Variants in GABBR2 observed in about 807,000 individuals in gnomAD.
The protein encoded by GABBR2 is G-protein coupled receptor 51.
Under a neutral mutation model 105.6 loss-of-function variants are expected in GABBR2, and 23 were observed. The ratio of observed to expected loss-of-function variants is 0.22; its 90% CI spans 0.16 to 0.31. GABBR2 has a LOEUF of 0.31. Among genes scored for constraint, GABBR2 ranks in the 10% least tolerant of loss-of-function variants. The probability of loss-of-function intolerance (pLI) is 1.00; values close to 1 mark genes in which losing one functional copy is unlikely to be tolerated. For synonymous variants in GABBR2, 478 were observed against 499.7 expected, an observed-to-expected ratio of 0.96 and a Z score of 0.58; for missense variants, 734 against 1,245.5, an observed-to-expected ratio of 0.59 and a Z score of 6.18.
intron 13 of GABBR2, among the ~76,000 whole-genome samples, chr9:98,348,487 G>C (rs994180947): frequency 6.6e-6 from 1 of 152,132 alleles, no homozygotes; most frequent in African/African-American, 2.4e-5. Context: ...TTGACCTTTT[G>C]ATAGGGATTA....
rs113747643 is a variant in GABBR2 at position 98,388,619 on chromosome 9, C to CTGTGTGTGTGTGTGTGTG, written c.1529+217_1529+234dup. On this transcript the variant is annotated intron_variant, in intron 10 of 18. Transcript: ENST00000259455. This position sits in a 1 kb window ranked among gnomAD's most constrained non-coding sequence, Gnocchi z 4.4. ...TCCTGTGCAACCAGCAGCCTGGCCT[C>CTGTGTGTGTGTGTGTGTG]TGTGTGTGTGTGTGTGTGTGTGTGT... Among the ~76,000 whole-genome samples the CTGTGTGTGTGTGTGTGTG allele has an allele frequency of 2.8e-4, 40 of 144,462 alleles. No homozygotes were observed. Among genetic ancestry groups the CTGTGTGTGTGTGTGTGTG allele is most frequent in the African/African-American group, 1.0e-3 (39 of 39,120 alleles). 94.8% of individuals were successfully genotyped at this position (144,462 alleles called of 152,430 possible). A position where few individuals can be genotyped will look rare whatever the true frequency, so the allele number is the denominator to read the frequency against.
At chr9:98,635,382 G>A (rs1275063930) in intron 1 of GABBR2, among the ~76,000 whole-genome samples, 2 of 152,180 alleles carry the variant, frequency 1.3e-5, no homozygotes, top group African/African-American at 4.8e-5. Flanking sequence ...GGCCATAGGG[G>A]TGGCATGGGG....
Position 98,426,269 on chromosome 9 carries a change from C to T in GABBR2, c.1237-20128G>A, listed in dbSNP as rs147997743. On this transcript the variant is annotated intron_variant, in intron 7 of 18. Transcript: ENST00000259455. ...CAGCGCAGTGTGACACATAACCTAT[C>T]CAGGACTTAAAGCACAGAGTGGTGT... Among the ~76,000 whole-genome samples the T allele has an allele frequency of 9.8e-5, 15 of 152,326 alleles. No homozygotes were observed. In the East Asian group the frequency reaches 2.9e-3, roughly 29 times the overall value.
chr9:98,462,704 G>C (rs1588173722), intron 6 of GABBR2, among the ~76,000 whole-genome samples: 1 of 152,144 alleles, frequency 6.6e-6, no homozygotes, highest in Admixed American at 6.6e-5. Context: ...ACTGCTTGCG[G>C]ATGTGTAAAT....
chr9:98,310,074 C>G (rs1164062381), intron 14 of GABBR2, among the ~76,000 whole-genome samples: 1 of 152,154 alleles, frequency 6.6e-6, no homozygotes, highest in African/African-American at 2.4e-5. Flanking sequence ...GTGGAAAGAT[C>G]TGAGGAGGGC....
intron 4 of GABBR2, 196 bp downstream of exon 4, chr9:98,496,217 C>T (rs1460528872): frequency 1.7e-6 from 1 of 599,336 alleles, no homozygotes; most frequent in Non-Finnish European, 3.0e-6. Context: ...CAGCCAGCAC[C>T]TCTGGCCAGT....
At chr9:98,564,316 G>C (rs772864811) in intron 2 of GABBR2, among the ~76,000 whole-genome samples, 3 of 152,232 alleles carry the variant, frequency 2.0e-5, no homozygotes, top group Non-Finnish European at 4.4e-5. Context: ...GCAGCAGGAA[G>C]CAGGGCCAGA....
rs117057049 is a variant in GABBR2 at position 98,591,570 on chromosome 9, G to A, written c.322-13498C>T. 6.4e-4 allele frequency among the ~76,000 whole-genome samples: 97 copies of A among 152,304 alleles called. 4 individuals carry two copies. The East Asian group carries it at 0.018, about 28-fold the overall frequency. ...GAGAGGTGGGTGCATTGGTCCAGGC[G>A]TGAAGTGCTGGTGGATGGCTTGGCA... On this transcript the variant is annotated intron_variant, in intron 1 of 18. Transcript: ENST00000259455.
At chr9:98,343,177 T>C (rs1187023611) in intron 13 of GABBR2, among the ~76,000 whole-genome samples, 1 of 152,180 alleles carries the variant, frequency 6.6e-6, no homozygotes, top group Non-Finnish European at 1.5e-5. Context: ...TTGTCCCAAA[T>C]GGCCCTTAAC....
intron 13 of GABBR2, among the ~76,000 whole-genome samples, chr9:98,337,856 T>C (rs1031086111): frequency 1.3e-5 from 2 of 152,010 alleles, no homozygotes; most frequent in Non-Finnish European, 2.9e-5. Context: ...TTTTAGTCTC[T>C]ACTAAAAAAA....
chr9:98,663,320 G>A (rs1039158103), intron 1 of GABBR2, among the ~76,000 whole-genome samples: 1 of 152,132 alleles, frequency 6.6e-6, no homozygotes, highest in African/African-American at 2.4e-5. Context: ...GATATTCAGT[G>A]CTGGCTCTTC....
At chr9:98,455,852 C>A (rs1360093517) in intron 6 of GABBR2, among the ~76,000 whole-genome samples, 4 of 152,216 alleles carry the variant, frequency 2.6e-5, no homozygotes, top group African/African-American at 9.6e-5. Flanking sequence ...GCAATGAATT[C>A]TGCATGACCA....
chr9:98,538,959 C>T (rs1323151773), intron 3 of GABBR2, among the ~76,000 whole-genome samples: 1 of 152,212 alleles, frequency 6.6e-6, no homozygotes, highest in Non-Finnish European at 1.5e-5. Context: ...TACCAGCAAG[C>T]AGCATCCTGT....
In GABBR2 at chr9:98,394,658, T is replaced by C. The variant is rs970286239; in HGVS notation, c.1298-403A>G. ...CCATCTTCCCTAGGATAGGCCCAGA[T>C]ACTTGAAGACAAAGACAGGTCAGTC... On this transcript the variant is annotated intron_variant, in intron 8 of 18. Coordinates refer to ENST00000259455, the MANE Select transcript of GABBR2 (RefSeq NM_005458.8). 5.9e-5 allele frequency among the ~76,000 whole-genome samples: 9 copies of C among 152,198 alleles called. No individual in the cohort carries two copies. The South Asian group carries it at 8.3e-4, about 14-fold the overall frequency.
chr9:98,477,487 C>T (rs1826817212), intron 5 of GABBR2, among the ~76,000 whole-genome samples: 1 of 152,186 alleles, frequency 6.6e-6, no homozygotes, highest in Admixed American at 6.5e-5. Context: ...ATCTTCCAGC[C>T]TTGGCCTCCC....
chr9:98,619,304 C>G (rs548966932), intron 1 of GABBR2, among the ~76,000 whole-genome samples: 6 of 151,954 alleles, frequency 3.9e-5, no homozygotes, highest in Admixed American at 1.3e-4. Context: ...GCCTTGTGCC[C>G]ATGGAACCAA....
At chr9:98,640,773 T>C (rs1227176832) in intron 1 of GABBR2, among the ~76,000 whole-genome samples, 1 of 152,126 alleles carries the variant, frequency 6.6e-6, no homozygotes, top group Non-Finnish European at 1.5e-5. Flanking sequence ...AGTCAGGCTC[T>C]GCAAGGTGAG....
At chr9:98,386,388 T>C (rs546142501) in intron 10 of GABBR2, among the ~76,000 whole-genome samples, 2 of 152,186 alleles carry the variant, frequency 1.3e-5, no homozygotes, top group African/African-American at 4.8e-5. Context: ...TTAGGAAAGC[T>C]CACACTGTTC....
At chr9:98,509,401 C>G (rs1278657457) in intron 3 of GABBR2, among the ~76,000 whole-genome samples, 2 of 152,162 alleles carry the variant, frequency 1.3e-5, no homozygotes, top group African/African-American at 2.4e-5. Context: ...TCACCAGCAA[C>G]AGAACAAAGC....
Sources: gnomAD v4.1 joint callset for allele counts (sites outside exome capture counted in the v4.1 genomes callset) on GRCh38, gnomAD v4.1.1 for gene constraint, Gnocchi (gnomAD v3.1) non-coding constraint, MANE v1.5 for transcripts, NCBI Gene and HGNC (gene_info 2026-07-23, HGNC 2026-07-21) for gene names.